MGA: variants seen among roughly 807,000 people sequenced by gnomAD.
The protein encoded by MGA is MAX dimerization protein MGA.
A neutral mutation model predicts 261.1 loss-of-function variants in MGA; 40 were observed. The ratio of observed to expected loss-of-function variants is 0.15; its 90% CI spans 0.12 to 0.20. The LOEUF (loss-of-function observed/expected upper bound fraction) is 0.20, where lower values mean the gene tolerates loss of function less well. Ranked by LOEUF, MGA falls within the 10% of genes least tolerant of loss-of-function variation. The pLI is 1.00. For missense variants in MGA, 3,397 were observed against 3,630.5 expected, an observed-to-expected ratio of 0.94 and a Z score of 1.65; for synonymous variants, 1,302 against 1,290.6, an observed-to-expected ratio of 1.01 and a Z score of -0.19.
chr15:41,760,637 T>A, intron 20 of MGA, 108 bp downstream of exon 20: 1 of 1,059,382 alleles, frequency 9.4e-7, no homozygotes, highest in African/African-American at 1.6e-5. Flanking sequence ...TAGAGCTGCT[T>A]AAATGTAACA....
rs111803224 is a variant in MGA at position 41,677,377 on chromosome 15, G to T, written c.1064+7419G>T. Among the ~76,000 whole-genome samples, 1,333 of 152,278 alleles carry T rather than the reference G, an allele frequency of 8.8e-3. 22 individuals carry two copies. The highest frequency in any genetic ancestry group is 0.031 in the African/African-American group (1,283 of 41,540). On this transcript the variant is annotated intron_variant, in intron 2 of 23. Coordinates refer to ENST00000219905, the MANE Select transcript of MGA (RefSeq NM_001164273.2). ...GGCTGGTTTCGAACTCCTGACCTCA[G>T]GTGATCCAGCCACCTCAGCCTCTCA...
chr15:41,713,008 A>G (rs2060463650), intron 8 of MGA, 143 bp from the exon 9 acceptor site: 13 of 1,233,024 alleles, frequency 1.1e-5, no homozygotes, highest in African/African-American at 1.5e-5. Flanking sequence ...GGTTAGATTC[A>G]TGTTCTGTCC....
rs540985411 is a variant in MGA at position 41,766,590 on chromosome 15, A to G, written c.8508A>G (p.Gln2836=). The G allele has an allele frequency of 3.7e-6, 6 of 1,614,002 alleles. No homozygotes were observed. The highest frequency in any genetic ancestry group is 2.7e-5 in the African/African-American group (2 of 75,046). Residue 2836 remains glutamine (Q), a synonymous_variant, in exon 24 of 24, where the codon CAA becomes CAG. Coordinates refer to ENST00000219905, the MANE Select transcript of MGA (RefSeq NM_001164273.2). ...ATGAAATTGCCTTTCTTAATCAACA[A>G]CTAAATGATGACTCTGTTGGCCTGG...
At chr15:41,700,081 C>T (rs1191328208) in intron 5 of MGA, among the ~76,000 whole-genome samples, 1 of 132,438 alleles carries the variant, frequency 7.6e-6, no homozygotes, top group African/African-American at 2.9e-5. Flanking sequence ...CAGTCTCGCT[C>T]TCGCCCAGGC....
rs1226102577 is a variant in MGA at position 41,676,154 on chromosome 15, T to C, written c.1064+6196T>C. Among the ~76,000 whole-genome samples, 3 of 152,340 alleles carry C rather than the reference T, an allele frequency of 2.0e-5. No individual in the cohort carries two copies. The East Asian group carries it at 5.8e-4, about 29-fold the overall frequency. ...TCATCAGAATGCAAGTGAGTGAGAA[T>C]GACATTATTATAGAGAGAGTCACTC... On this transcript the variant is annotated intron_variant, in intron 2 of 23. Coordinates refer to ENST00000219905, the MANE Select transcript of MGA (RefSeq NM_001164273.2).
chr15:41,668,519 A>G (rs191468680), intron 1 of MGA, among the ~76,000 whole-genome samples: 2 of 152,188 alleles, frequency 1.3e-5, no homozygotes, highest in Admixed American at 6.5e-5. Flanking sequence ...AATTTTGTAT[A>G]CTTTTTTAAT....
At chr15:41,718,827 T>C (rs181416100) in intron 9 of MGA, among the ~76,000 whole-genome samples, 22 of 152,332 alleles carry the variant, frequency 1.4e-4, no homozygotes, top group African/African-American at 4.6e-4. Context: ...AAAAGACTTA[T>C]TGTTCTCTCC....
At chr15:41,721,732 A>G (rs1433490481) in intron 9 of MGA, among the ~76,000 whole-genome samples, 1 of 152,308 alleles carries the variant, frequency 6.6e-6, no homozygotes, top group East Asian at 1.9e-4. Context: ...ACAATGAACA[A>G]TGGGAAATCT....
intron 1 of MGA, among the ~76,000 whole-genome samples, chr15:41,643,704 A>C (rs1379548517): frequency 6.6e-6 from 1 of 151,230 alleles, no homozygotes; most frequent in East Asian, 1.9e-4. Context: ...AAAAGGTTTT[A>C]ATTTGATGAA....
chr15:41,621,241 G>A (rs2056272083), exon 1 of MGA: 1 of 152,244 alleles, frequency 6.6e-6, no homozygotes, highest in Admixed American at 6.5e-5. Flanking sequence ...GGCGTGCATC[G>A]GGGAGCGCCC....
intron 1 of MGA, among the ~76,000 whole-genome samples, chr15:41,654,556 T>C (rs2057127468): frequency 6.6e-6 from 1 of 152,212 alleles, no homozygotes; most frequent in Admixed American, 6.5e-5. Flanking sequence ...TTGCCCTTCA[T>C]GTAAAGGAAG....
Position 41,669,614 on chromosome 15 carries a change from G to A in MGA, c.720G>A (p.Gln240=). The A allele has an allele frequency of 6.2e-7, 1 of 1,613,908 alleles. No individual in the cohort carries two copies. Among genetic ancestry groups the A allele is most frequent in the Non-Finnish European group, 8.5e-7 (1 of 1,179,862 alleles). The change falls in exon 2 of 24, where the codon CAG becomes CAA. Residue 240 remains glutamine (Q), a synonymous_variant. Coordinates refer to ENST00000219905, the MANE Select transcript of MGA (RefSeq NM_001164273.2). ...AATTCTTTGCAGTAACAGCTTATCA[G>A]AACATTCAGATTACTCAGCTGAAAA... is the stretch of plus-strand genomic sequence containing the variant.
In MGA at chr15:41,719,698, T is replaced by C. The variant is rs111916672; in HGVS notation, c.3430+6202T>C. On this transcript the variant is annotated intron_variant, in intron 9 of 23. Coordinates refer to ENST00000219905, the MANE Select transcript of MGA (RefSeq NM_001164273.2). The stretch of plus-strand genomic sequence containing the variant: ...CAGAGGTTGCAGTGAACTGAAATTA[T>C]GCCACTGCATCTCCAGTCTGGGTGA... Among the ~76,000 whole-genome samples the C allele has an allele frequency of 1.0e-3, 156 of 152,152 alleles. 1 individual carries two copies. Among genetic ancestry groups the C allele is most frequent in the African/African-American group, 3.6e-3 (151 of 41,514 alleles).
At chr15:41,698,987 C>T (rs2059692301) in intron 4 of MGA, 46 bp downstream of exon 4, 8 of 1,543,322 alleles carry the variant, frequency 5.2e-6, no homozygotes. Context: ...GGTTTGGGCT[C>T]CAGCAATGAA....
At chr15:41,712,537 C>G (rs2151494275) in intron 8 of MGA, among the ~76,000 whole-genome samples, 1 of 152,270 alleles carries the variant, frequency 6.6e-6, no homozygotes, top group East Asian at 1.9e-4. Flanking sequence ...ACTTTTTTTA[C>G]TTTCCATTTT....
At chr15:41,643,130 T>C (rs1731903333) in intron 1 of MGA, among the ~76,000 whole-genome samples, 1 of 150,426 alleles carries the variant, frequency 6.6e-6, no homozygotes, top group African/African-American at 2.4e-5. Context: ...TGGTCTTGAA[T>C]TGAGCTCAAG....
At position 41,757,843 on chromosome 15, in the gene MGA, T is replaced by C; in HGVS notation, c.7191+4T>C. 1.9e-6 allele frequency: 3 copies of C among 1,598,268 alleles called. No homozygotes were observed. The highest frequency in any genetic ancestry group is 1.1e-5 in the South Asian group (1 of 90,454). On this transcript the variant is annotated splice_donor_region_variant and intron_variant, in intron 19 of 23. Coordinates refer to ENST00000219905, the MANE Select transcript of MGA (RefSeq NM_001164273.2). ...AGCAGCTGAAAGGAGTCGAAAGGTA[T>C]TTAGGATATATTTAGTGATAATTAC...
intron 9 of MGA, among the ~76,000 whole-genome samples, chr15:41,714,147 A>G (rs968716286): frequency 6.6e-6 from 1 of 152,188 alleles, no homozygotes; most frequent in South Asian, 2.1e-4. Context: ...TCAGGGGATT[A>G]ATACTCCTTT....
chr15:41,760,407 C>T lies in MGA; in HGVS notation c.7276C>T (p.Arg2426Trp), dbSNP rs778429803. ...AGCAGAAGCGTTTGCTTATTATCGC[C>T]GGACACACACTGCCAATGAGCGGCG... Residue 2426 changes from arginine (R) to tryptophan (W), a missense_variant, in exon 20 of 24, where the codon CGG (arginine) becomes TGG (tryptophan). Coordinates refer to ENST00000219905, the MANE Select transcript of MGA (RefSeq NM_001164273.2). 18 of 1,613,844 alleles carry T rather than the reference C, an allele frequency of 1.1e-5. No individual in the cohort carries two copies. Among genetic ancestry groups the T allele is most frequent in the East Asian group, 6.7e-5 (3 of 44,896 alleles).
Sources: allele counts gnomAD v4.1 joint callset (sites outside exome capture counted in the v4.1 genomes callset), GRCh38; gene constraint gnomAD v4.1.1; transcripts MANE v1.5; gene names NCBI Gene and HGNC (gene_info 2026-07-23, HGNC 2026-07-21).